The following PLXNA4 variants were observed in gnomAD, a reference collection of about 807,000 sequenced individuals.
PLXNA4 encodes plexin-A4.
In PLXNA4, 44 loss-of-function variants were observed where a neutral mutation model predicts 191.8. The observed-to-expected ratio is 0.23, with a 90% CI of 0.18 to 0.29. The LOEUF is 0.29. PLXNA4 is among the 10% of genes least tolerant of loss of function. The probability of loss-of-function intolerance (pLI) is 1.00; values close to 1 mark genes in which losing one functional copy is unlikely to be tolerated. For missense variants in PLXNA4, 1,800 were observed against 2,488.8 expected, an observed-to-expected ratio of 0.72 and a Z score of 5.89; for synonymous variants, 1,082 against 1,009.5, an observed-to-expected ratio of 1.07 and a Z score of -1.36.
chr7:132,509,918 C>T (rs1276237980), intron 1 of PLXNA4, among the ~76,000 whole-genome samples: 2 of 152,198 alleles, frequency 1.3e-5, no homozygotes, highest in Non-Finnish European at 2.9e-5. Flanking sequence ...CAAGGCAGAT[C>T]TTGGCTTCCT....
intron 2 of PLXNA4, among the ~76,000 whole-genome samples, chr7:132,602,362 C>G (rs1463613423): frequency 6.6e-6 from 1 of 152,160 alleles, no homozygotes; most frequent in Admixed American, 6.5e-5. Context: ...CCAGAGCAAG[C>G]TCCCCAGATG....
intron 4 of PLXNA4, among the ~76,000 whole-genome samples, chr7:132,274,801 T>C (rs1268853799): frequency 7.5e-6 from 1 of 132,706 alleles, no homozygotes; most frequent in Non-Finnish European, 1.6e-5. Flanking sequence ...AGAGACAGGG[T>C]CTCACTATGT....
chr7:132,228,987 C>T (rs1798431233), intron 5 of PLXNA4, among the ~76,000 whole-genome samples: 1 of 152,196 alleles, frequency 6.6e-6, no homozygotes, highest in Non-Finnish European at 1.5e-5. Context: ...AAGTGAAGAG[C>T]TTCCTCCTAT....
At chr7:132,180,758 C>A (rs1057099293) in intron 18 of PLXNA4, 26 bp from the exon 19 acceptor site, 1 of 1,601,150 alleles carries the variant, frequency 6.2e-7, no homozygotes, top group Non-Finnish European at 8.5e-7. Context: ...AGCACCAGTT[C>A]CCACCCCAGA....
chr7:132,368,243 C>CTTATTTGAG lies in PLXNA4; in HGVS notation c.1372-70030_1372-70022dup, dbSNP rs151318297. On this transcript the variant is annotated intron_variant, in intron 3 of 31. Coordinates refer to ENST00000321063, the MANE Select transcript of PLXNA4 (RefSeq NM_020911.2). ...GCATTTAGAGGGAGTGGAACAGCAG[C>CTTATTTGAG]TTATTTGAGTATTCTATTCTGCTTA... 2.5e-3 allele frequency among the ~76,000 whole-genome samples: 380 copies of CTTATTTGAG among 152,240 alleles called. 1 individual carries two copies. The highest frequency in any genetic ancestry group is 8.7e-3 in the African/African-American group (361 of 41,540).
intron 4 of PLXNA4, among the ~76,000 whole-genome samples, chr7:132,243,752 G>C (rs911838643): frequency 6.8e-6 from 1 of 146,356 alleles, no homozygotes; most frequent in Non-Finnish European, 1.5e-5. Flanking sequence ...TATAAGTGAC[G>C]GCTATGATGG....
intron 3 of PLXNA4, among the ~76,000 whole-genome samples, chr7:132,313,662 G>T (rs1801834253): frequency 6.6e-6 from 1 of 152,132 alleles, no homozygotes; most frequent in Non-Finnish European, 1.5e-5. Flanking sequence ...CTGTCTCATT[G>T]TTTTGGACAT....
At chr7:132,398,265 C>T (rs542126353) in intron 3 of PLXNA4, among the ~76,000 whole-genome samples, 1 of 152,196 alleles carries the variant, frequency 6.6e-6, no homozygotes, top group Admixed American at 6.5e-5. Flanking sequence ...ATAAATATAA[C>T]CTGCCATTTT....
intron 3 of PLXNA4, 137 bp downstream of exon 3, chr7:132,489,155 C>T: frequency 5.7e-6 from 5 of 871,052 alleles, no homozygotes; most frequent in Non-Finnish European, 8.5e-6. Context: ...ATGACCTCAA[C>T]AGCAGCGTAT....
chr7:132,173,216 G>A (rs1344260836), intron 21 of PLXNA4, among the ~76,000 whole-genome samples: 2 of 152,152 alleles, frequency 1.3e-5, no homozygotes, highest in African/African-American at 4.8e-5. Flanking sequence ...GTAATTTGAA[G>A]CAAACGAAGG....
intron 2 of PLXNA4, among the ~76,000 whole-genome samples, chr7:132,641,761 TA>T (rs1403372914): frequency 2.0e-5 from 3 of 152,206 alleles, no homozygotes; most frequent in Non-Finnish European, 4.4e-5. Flanking sequence ...AGAGGTATTC[TA>T]AATATAAACT....
At chr7:132,424,962 G>A (rs956406581) in intron 3 of PLXNA4, among the ~76,000 whole-genome samples, 4 of 152,156 alleles carry the variant, frequency 2.6e-5, no homozygotes, top group Admixed American at 2.6e-4. Context: ...CAGCATCACG[G>A]CACCTGGGTG....
At chr7:132,216,640 T>C (rs892635026) in intron 9 of PLXNA4, among the ~76,000 whole-genome samples, 1 of 152,196 alleles carries the variant, frequency 6.6e-6, no homozygotes, top group African/African-American at 2.4e-5. Context: ...CCACATATTT[T>C]CCATGTGCTA....
At chr7:132,346,359 A>T (rs1456463590) in intron 3 of PLXNA4, among the ~76,000 whole-genome samples, 2 of 152,252 alleles carry the variant, frequency 1.3e-5, no homozygotes, top group Admixed American at 1.3e-4. Flanking sequence ...ACAAAACAAA[A>T]TAAAAACAAA....
At chr7:132,147,831 T>C in intron 27 of PLXNA4, 69 bp downstream of exon 27, 2 of 1,604,264 alleles carry the variant, frequency 1.2e-6, no homozygotes, top group Non-Finnish European at 1.7e-6. Flanking sequence ...GCCTTCTGGC[T>C]ATGCTGCTGT....
chr7:132,444,478 C>T (rs1310439823), intron 3 of PLXNA4, among the ~76,000 whole-genome samples: 1 of 152,220 alleles, frequency 6.6e-6, no homozygotes, highest in Non-Finnish European at 1.5e-5. Context: ...TGATCTCGAA[C>T]TCTTGACCTC....
intron 3 of PLXNA4, among the ~76,000 whole-genome samples, chr7:132,447,490 A>G (rs1795953906): frequency 6.6e-6 from 1 of 152,190 alleles, no homozygotes; most frequent in African/African-American, 2.4e-5. Flanking sequence ...TATGAGGAAG[A>G]CCAAATGGAC....
At chr7:132,207,164 T>C (rs1421547033) in intron 10 of PLXNA4, among the ~76,000 whole-genome samples, 1 of 152,232 alleles carries the variant, frequency 6.6e-6, no homozygotes, top group Non-Finnish European at 1.5e-5. Context: ...GTATGTACAC[T>C]GTGTCCATCT....
At chr7:132,272,826 C>T (rs62465026) in intron 4 of PLXNA4, among the ~76,000 whole-genome samples, 14,311 of 152,228 alleles carry the variant, frequency 0.094, 901 homozygotes, top group Non-Finnish European at 0.13. Flanking sequence ...TCCTATTCAT[C>T]CTTGAAACCC....
Sources: gnomAD v4.1 joint callset for allele counts (sites outside exome capture counted in the v4.1 genomes callset) on GRCh38, gnomAD v4.1.1 for gene constraint, MANE v1.5 for transcripts, NCBI Gene and HGNC (gene_info 2026-07-23, HGNC 2026-07-21) for gene names.